The following TMPPE variants were observed in gnomAD, a reference collection of about 807,000 sequenced individuals.
TMPPE encodes the protein transmembrane protein with metallophosphoesterase domain.
In TMPPE, 16 loss-of-function variants were observed where a neutral mutation model predicts 22.6. That is an observed-to-expected ratio of 0.71 (90% CI 0.48 to 1.08). TMPPE has a LOEUF of 1.08. Among genes scored for constraint, TMPPE ranks in the 50% least tolerant of loss-of-function variants. The pLI is 0.00. For missense variants in TMPPE, 526 were observed against 584.3 expected, an observed-to-expected ratio of 0.90 and a Z score of 1.03; for synonymous variants, 240 against 245.3, an observed-to-expected ratio of 0.98 and a Z score of 0.20.
intron 1 of TMPPE, among the ~76,000 whole-genome samples, chr3:33,095,395 G>A (rs908392529): frequency 2.6e-5 from 4 of 151,852 alleles, no homozygotes; most frequent in African/African-American, 7.3e-5. Flanking sequence ...GTGTGATGGC[G>A]GGCGCCTGTA....
Position 33,090,438 on chromosome 3 carries a change from G to A in TMPPE, c.*2396C>T, listed in dbSNP as rs902077593. 6.1e-6 allele frequency: 6 copies of A among 985,256 alleles called. No homozygotes were observed. The highest frequency in any genetic ancestry group is 5.2e-4 in the Middle Eastern group (1 of 1,936). 61.0% of individuals were successfully genotyped at this position (985,256 alleles called of 1,614,324 possible). A position where few individuals can be genotyped will look rare whatever the true frequency, so the allele number is the denominator to read the frequency against. Reference sequence around the variant, plus strand: ...GGATGGGTATTTGGAAGGAATGGCAGCAGGATCAATTTATTGAGATTTTGT... The same window carrying A: ...GGATGGGTATTTGGAAGGAATGGCAACAGGATCAATTTATTGAGATTTTGT... On this transcript the variant is annotated 3_prime_UTR_variant, in exon 2 of 2. Coordinates refer to ENST00000342462, the MANE Select transcript of TMPPE (RefSeq NM_001039770.3).
In TMPPE at chr3:33,093,247, C is replaced by T; in HGVS notation, c.949G>A (p.Gly317Ser). 6.2e-7 allele frequency: 1 copy of T among 1,614,180 alleles called. No individual in the cohort carries two copies. The highest frequency in any genetic ancestry group is 1.1e-5 in the South Asian group (1 of 91,076). The change falls in exon 2 of 2, where the codon GGT (glycine) becomes AGT (serine). Residue 317 changes from glycine (G) to serine (S), a missense_variant. By Grantham distance (56) the Gly-to-Ser change is moderately conservative (BLOSUM62 0). Transcript: ENST00000342462. This position sits in a 1 kb window ranked among gnomAD's most constrained non-coding sequence, Gnocchi z 6.0. ...ISATRAQRGGGGSGSGSEDED... is the reference protein window; with the variant it reads ...ISATRAQRGGSGSGSGSEDED... The stretch of plus-strand genomic sequence containing the variant: ...TCCTCACTCCCACTGCCACTGCCAC[C>T]ACCACCACGTTGGGCCCGTGTGGCG...
Position 33,096,924 on chromosome 3 carries a change from G to C in TMPPE, c.-314C>G, listed in dbSNP as rs1357358300. 3 of 1,543,288 alleles carry C rather than the reference G, an allele frequency of 1.9e-6. No individual in the cohort carries two copies. Among genetic ancestry groups the C allele is most frequent in the Non-Finnish European group, 2.6e-6 (3 of 1,145,480 alleles). ...GGGGCTCAGGCTCCCCGCCCTGCGG[G>C]ACCGCGGGTGGCTGCGACCCCAGCC... On this transcript the variant is annotated 5_prime_UTR_variant, in exon 1 of 2. Transcript: ENST00000342462.
intron 1 of TMPPE, among the ~76,000 whole-genome samples, chr3:33,096,014 G>C (rs1489910086): frequency 6.6e-6 from 1 of 152,184 alleles, no homozygotes; most frequent in African/African-American, 2.4e-5. Flanking sequence ...CTTGGTTGTA[G>C]ATAAATGTAC....
Position 33,092,163 on chromosome 3 carries a change from C to G in TMPPE, c.*671G>C, listed in dbSNP as rs544174256. On this transcript the variant is annotated 3_prime_UTR_variant, in exon 2 of 2. Transcript: ENST00000342462. ...CCATGGCGCCCACCGTTCTTCTCCC[C>G]TGACCTTGCCCCCAAAGGCCCAGGA... The G allele has an allele frequency of 1.2e-4, 115 of 985,696 alleles. No homozygotes were observed. In the African/African-American group the frequency reaches 1.6e-3, roughly 14 times the overall value. The allele number at this position is 985,696 out of a possible 1,614,324, so 61.1% of individuals were successfully genotyped here.
chr3:33,097,142 T>G lies in TMPPE; in HGVS notation c.-532A>C, dbSNP rs375278103. 1.3e-6 allele frequency: 2 copies of G among 1,597,722 alleles called. No homozygotes were observed. The highest frequency in any genetic ancestry group is 2.7e-5 in the African/African-American group (2 of 74,036). On this transcript the variant is annotated 5_prime_UTR_variant, in exon 1 of 2. Coordinates refer to ENST00000342462, the MANE Select transcript of TMPPE (RefSeq NM_001039770.3). ...CCCAGGCCGGCCGCTTCGCGTCACT[T>G]GACTAAGGACCCACGGCCTGGCACC...
Position 33,092,934 on chromosome 3 carries a change from G to T in TMPPE, c.1262C>A (p.Thr421Lys), listed in dbSNP as rs1278361597. The T allele has an allele frequency of 1.4e-5, 23 of 1,614,098 alleles. No homozygotes were observed. Among genetic ancestry groups the T allele is most frequent in the Non-Finnish European group, 1.9e-5 (22 of 1,180,046 alleles). ...TGTGCCTGGGCTGACATACACGAAT[G>T]TAGCCTGGGCCACCTGGTAGAGACC... ...FAGLYQVAQA[T>K]FVYVSPGTAY... Residue 421 changes from threonine to lysine, a missense_variant, in exon 2 of 2, where the codon ACA becomes AAA. Thr to Lys is a moderately conservative substitution (Grantham distance 78). Transcript: ENST00000342462.
Position 33,093,870 on chromosome 3 carries a change from T to TC in TMPPE, c.325dup (p.Glu109GlyfsTer43). On this transcript the variant is annotated frameshift_variant, in exon 2 of 2. Transcript: ENST00000342462. LOFTEE classifies it high-confidence loss of function. The surrounding 1 kb of genome is among the most constrained non-coding windows in gnomAD (Gnocchi z 6.0). ...CGCCAAGGAAAAGAGATAGGGCTCT[T>TC]CGGCCACTAAAAAGAACATGGTAAA... 6.2e-7 allele frequency: 1 copy of TC among 1,613,808 alleles called. No homozygotes were observed. Among genetic ancestry groups the TC allele is most frequent in the Non-Finnish European group, 8.5e-7 (1 of 1,179,872 alleles).
rs962627152 is a variant in TMPPE at position 33,091,077 on chromosome 3, T to C, written c.*1757A>G. 6.1e-6 allele frequency: 6 copies of C among 985,266 alleles called. No homozygotes were observed. Among genetic ancestry groups the C allele is most frequent in the Non-Finnish European group, 7.2e-6 (6 of 829,938 alleles). 61.0% of individuals were successfully genotyped at this position (985,266 alleles called of 1,614,324 possible). A position where few individuals can be genotyped will look rare whatever the true frequency, so the allele number is the denominator to read the frequency against. On this transcript the variant is annotated 3_prime_UTR_variant, in exon 2 of 2. Transcript: ENST00000342462. ...AAACAGTGGAAGTGAAATGGCACCA[T>C]CTAGCCCACCTGGTGAAATCCAAAG...
chr3:33,094,861 T>G (rs1700940616), intron 1 of TMPPE, among the ~76,000 whole-genome samples: 1 of 152,212 alleles, frequency 6.6e-6, no homozygotes, highest in African/African-American at 2.4e-5. Flanking sequence ...GTTTTTCAAA[T>G]ATATATATTG....
Position 33,093,975 on chromosome 3 carries a change from G to C in TMPPE, c.221C>G (p.Ser74Cys), listed in dbSNP as rs1269823810. The C allele has an allele frequency of 5.6e-6, 9 of 1,614,078 alleles. 1 individual carries two copies. In the South Asian group the frequency reaches 8.8e-5, roughly 16 times the overall value. The part of the protein sequence containing the change: ...WRSTVSNLCH[S>C]PAAESTCFQL... The stretch of plus-strand genomic sequence containing the variant: ...AAAACAGGTTGACTCTGCAGCTGGG[G>C]AGTGGCAGAGGTTGCTCACTGTGCT... The change falls in exon 2 of 2, where the codon TCC becomes TGC. Residue 74 changes from serine to cysteine, a missense_variant. By Grantham distance (112) the Ser-to-Cys change is moderately radical. Transcript: ENST00000342462. The surrounding 1 kb of genome is among the most constrained non-coding windows in gnomAD (Gnocchi z 6.0).
Position 33,092,814 on chromosome 3 carries a change from G to A in TMPPE, c.*20C>T, listed in dbSNP as rs1354785484. ...GGTCGAGGACAAGGGCAGGGCAGAGGTGCACAGGGCAGGGCCAGTTCAGGG... is the reference window on the plus strand; with the variant it reads ...GGTCGAGGACAAGGGCAGGGCAGAGATGCACAGGGCAGGGCCAGTTCAGGG... On this transcript the variant is annotated 3_prime_UTR_variant, in exon 2 of 2. Coordinates refer to ENST00000342462, the MANE Select transcript of TMPPE (RefSeq NM_001039770.3). 2 of 1,571,604 alleles carry A rather than the reference G, an allele frequency of 1.3e-6. No homozygotes were observed. The highest frequency in any genetic ancestry group is 1.7e-6 in the Non-Finnish European group (2 of 1,156,758).
At chr3:33,096,574 AC>A in intron 1 of TMPPE, 144 bp downstream of exon 1, 2 of 1,029,276 alleles carry the variant, frequency 1.9e-6, no homozygotes, top group Non-Finnish European at 2.3e-6. Context: ...GCCTCTCCTG[AC>A]CCCATTTTTC....
At position 33,093,826 on chromosome 3, in the gene TMPPE, C is replaced by T; in HGVS notation, c.370G>A (p.Ala124Thr). 1 of 1,613,520 alleles carries T rather than the reference C, an allele frequency of 6.2e-7. No individual in the cohort carries two copies. Among genetic ancestry groups the T allele is most frequent in the Non-Finnish European group, 8.5e-7 (1 of 1,179,718 alleles). Residue 124 changes from alanine to threonine, a missense_variant, in exon 2 of 2, where the codon GCT becomes ACT. By Grantham distance (58) the Ala-to-Thr change is moderately conservative. Coordinates refer to ENST00000342462, the MANE Select transcript of TMPPE (RefSeq NM_001039770.3). The surrounding 1 kb of genome is among the most constrained non-coding windows in gnomAD (Gnocchi z 6.0). ...AGGAAGAAGAGCATGATGATGTAAG[C>T]ACCCAGGCAGGAGTAGGCCGCCAAG... ...FSLAAYSCLG[A>T]YIIMLFFLFI...
In TMPPE at chr3:33,092,744, G is replaced by T; in HGVS notation, c.*90C>A. On this transcript the variant is annotated 3_prime_UTR_variant, in exon 2 of 2. Transcript: ENST00000342462. ...TGTGTAGGCAAGGATGAGTGGGCAA[G>T]GCTGGAGGGGAAAAGCAGGCAAACC... The T allele has an allele frequency of 6.6e-7, 1 of 1,512,054 alleles. No individual in the cohort carries two copies. The allele number at this position is 1,512,054 out of a possible 1,614,324, so 93.7% of individuals were successfully genotyped here.
At chr3:33,096,425 G>A in intron 1 of TMPPE, 2 of 979,036 alleles carry the variant, frequency 2.0e-6, no homozygotes, top group Non-Finnish European at 2.4e-6. Context: ...ACCCCCAAAC[G>A]CCGAAGGAAA....
At position 33,091,331 on chromosome 3, in the gene TMPPE, C is replaced by A. The variant is rs1700751046; in HGVS notation, c.*1503G>T. The A allele has an allele frequency of 8.1e-6, 8 of 985,418 alleles. No homozygotes were observed. The highest frequency in any genetic ancestry group is 9.6e-6 in the Non-Finnish European group (8 of 830,034). 61.0% of individuals were successfully genotyped at this position (985,418 alleles called of 1,614,324 possible). A position where few individuals can be genotyped will look rare whatever the true frequency, so the allele number is the denominator to read the frequency against. On this transcript the variant is annotated 3_prime_UTR_variant, in exon 2 of 2. Coordinates refer to ENST00000342462, the MANE Select transcript of TMPPE (RefSeq NM_001039770.3). ...AGAACCCCACTATACACCAGGAGGA[C>A]AAGGAGGAAAGGAAGAAACCCCCTT...
chr3:33,091,401 A>C lies in TMPPE; in HGVS notation c.*1433T>G. On this transcript the variant is annotated 3_prime_UTR_variant, in exon 2 of 2. Coordinates refer to ENST00000342462, the MANE Select transcript of TMPPE (RefSeq NM_001039770.3). Reference sequence around the variant, plus strand: ...GAGGGAAGGAAGGCAAACCCCTAGCAGTTGCTGCTTTGACACATCACCTGC... The same window carrying C: ...GAGGGAAGGAAGGCAAACCCCTAGCCGTTGCTGCTTTGACACATCACCTGC... 1 of 985,524 alleles carries C rather than the reference A, an allele frequency of 1.0e-6. No homozygotes were observed. The highest frequency in any genetic ancestry group is 1.2e-6 in the Non-Finnish European group (1 of 830,014). 61.0% of individuals were successfully genotyped at this position (985,524 alleles called of 1,614,324 possible). A position where few individuals can be genotyped will look rare whatever the true frequency, so the allele number is the denominator to read the frequency against.
In TMPPE at chr3:33,094,210, G is replaced by A. The variant is rs1161993766; in HGVS notation, c.-15C>T. The A allele has an allele frequency of 6.3e-7, 1 of 1,582,030 alleles. No homozygotes were observed. The highest frequency in any genetic ancestry group is 2.2e-5 in the East Asian group (1 of 44,546). ...AAGATGGCCATTTTCTCTGCTCCTA[G>A]TAGGCTCCCCCACCAGTTCTGTGCT... On this transcript the variant is annotated 5_prime_UTR_variant, in exon 2 of 2. Coordinates refer to ENST00000342462, the MANE Select transcript of TMPPE (RefSeq NM_001039770.3).
Sources: gnomAD v4.1 joint callset for allele counts (sites outside exome capture counted in the v4.1 genomes callset) on GRCh38, gnomAD v4.1.1 for gene constraint, Gnocchi (gnomAD v3.1) non-coding constraint, MANE v1.5 for transcripts, NCBI Gene and HGNC (gene_info 2026-07-23, HGNC 2026-07-21) for gene names.